Variants in SH3RF3 observed in about 807,000 individuals in gnomAD.
The protein encoded by SH3RF3 is SH3 domain containing ring finger 3, also known as E3 ubiquitin-protein ligase SH3RF3.
SH3RF3 carries 29 observed loss-of-function variants against 66.3 expected under a neutral mutation model. The observed-to-expected ratio is 0.44, with a 90% CI of 0.33 to 0.60. The LOEUF (loss-of-function observed/expected upper bound fraction) is 0.60, where lower values mean the gene tolerates loss of function less well. Among genes scored for constraint, SH3RF3 ranks in the 20% least tolerant of loss-of-function variants. The pLI is 0.04. For missense variants in SH3RF3, 1,194 were observed against 1,190.9 expected (o/e 1.00, Z -0.04); for synonymous variants, 583 against 532.0 (o/e 1.10, Z -1.32).
intron 1 of SH3RF3, among the ~76,000 whole-genome samples, chr2:109,164,958 A>T (rs892745434): frequency 3.3e-5 from 5 of 152,176 alleles, no homozygotes; most frequent in Non-Finnish European, 5.9e-5. Flanking sequence ...GGAGGTCGTA[A>T]TTGTTTTTCT....
At chr2:109,241,866 C>T (rs937455504) in intron 1 of SH3RF3, among the ~76,000 whole-genome samples, 3 of 151,730 alleles carry the variant, frequency 2.0e-5, no homozygotes, top group African/African-American at 7.3e-5. Context: ...CCCGGGTTCA[C>T]GCCATTCTCC....
rs147447286 is a variant in SH3RF3, at chr2:109,237,351, A to T, written c.573+107238A>T. Among the ~76,000 whole-genome samples, 37 of 152,346 alleles carry T rather than the reference A, an allele frequency of 2.4e-4. No homozygotes were observed. The East Asian group carries it at 7.1e-3, about 29-fold the overall frequency. On this transcript the variant is annotated intron_variant, in intron 1 of 9. Transcript: ENST00000309415. The stretch of plus-strand genomic sequence containing the variant: ...TAATCAAAGAGGTACACATTGAAAA[A>T]AAATGTTGTTTCTCAGCTTTCAAAG...
intron 1 of SH3RF3, among the ~76,000 whole-genome samples, chr2:109,158,338 C>T (rs991326066): frequency 5.3e-5 from 8 of 152,288 alleles, no homozygotes; most frequent in African/African-American, 9.6e-5. Flanking sequence ...ACTCCCTCAA[C>T]GCTTAGGTGT....
intron 1 of SH3RF3, among the ~76,000 whole-genome samples, chr2:109,300,762 G>A (rs944173022): frequency 1.3e-5 from 2 of 152,212 alleles, no homozygotes; most frequent in Non-Finnish European, 2.9e-5. Context: ...GACTTCATGT[G>A]GGTTGGGCTC....
Position 109,315,377 on chromosome 2 carries a change from A to G in SH3RF3, c.574-32297A>G, listed in dbSNP as rs150579252. Among the ~76,000 whole-genome samples, 72 of 152,350 alleles carry G rather than the reference A, an allele frequency of 4.7e-4. No individual in the cohort carries two copies. The East Asian group carries it at 0.013, about 28-fold the overall frequency. On this transcript the variant is annotated intron_variant, in intron 1 of 9. Transcript: ENST00000309415. ...TTTGTTCATTGAGTCTTGCAACTCC[A>G]TTAGTGATTCAAAACAAAGTAAACC...
intron 8 of SH3RF3, among the ~76,000 whole-genome samples, chr2:109,488,950 C>T (rs555242632): frequency 8.1e-4 from 123 of 152,270 alleles, no homozygotes; most frequent in African/African-American, 2.9e-3. Context: ...AGAGCTGGGC[C>T]GCCTCTTCCT....
intron 3 of SH3RF3, 144 bp downstream of exon 3, chr2:109,371,825 G>C (rs138390093): frequency 1.4e-6 from 1 of 725,720 alleles, no homozygotes; most frequent in Non-Finnish European, 2.3e-6. Context: ...GCTGCTATGT[G>C]TGGGCTTTGA....
At chr2:109,187,295 T>A (rs547221327) in intron 1 of SH3RF3, among the ~76,000 whole-genome samples, 58 of 152,352 alleles carry the variant, frequency 3.8e-4, no homozygotes, top group African/African-American at 1.3e-3. Context: ...GTGACCTGTT[T>A]AGTCTTTTCT....
At chr2:109,473,838 T>A (rs1289696348) in intron 8 of SH3RF3, among the ~76,000 whole-genome samples, 1 of 152,050 alleles carries the variant, frequency 6.6e-6, no homozygotes, top group African/African-American at 2.4e-5. Context: ...TGTCTCTTTT[T>A]TGGGGTGTCC....
At position 109,175,177 on chromosome 2, in the gene SH3RF3, G is replaced by A. The variant is rs887041130; in HGVS notation, c.573+45064G>A. On this transcript the variant is annotated intron_variant, in intron 1 of 9. Transcript: ENST00000309415. The stretch of plus-strand genomic sequence containing the variant: ...GTCCTGGTCCAGACTAGAAATTGGA[G>A]TCCATCATTTCAGAGTCAGTGGTGA... Among the ~76,000 whole-genome samples, 6 of 152,264 alleles carry A rather than the reference G, an allele frequency of 3.9e-5. No individual in the cohort carries two copies. The East Asian group carries it at 1.2e-3, about 29-fold the overall frequency.
At chr2:109,411,207 T>C (rs902113745) in intron 4 of SH3RF3, among the ~76,000 whole-genome samples, 13 of 152,148 alleles carry the variant, frequency 8.5e-5, no homozygotes, top group Admixed American at 1.3e-4. Context: ...CGCCATTGGT[T>C]GGGGGCTGAA....
At chr2:109,283,864 GA>G (rs777400968) in intron 1 of SH3RF3, among the ~76,000 whole-genome samples, 3 of 152,212 alleles carry the variant, frequency 2.0e-5, no homozygotes, top group Non-Finnish European at 4.4e-5. Flanking sequence ...GGATGCTGGG[GA>G]GTGAGTATTC....
intron 1 of SH3RF3, among the ~76,000 whole-genome samples, chr2:109,265,595 C>G (rs1048708612): frequency 2.0e-5 from 3 of 152,234 alleles, no homozygotes; most frequent in African/African-American, 7.2e-5. Flanking sequence ...TCCCAGATGA[C>G]TCAGAAAGCC....
At chr2:109,317,352 G>A (rs759543643) in intron 1 of SH3RF3, among the ~76,000 whole-genome samples, 3 of 152,042 alleles carry the variant, frequency 2.0e-5, no homozygotes, top group African/African-American at 7.2e-5. Context: ...GGCAGGTGCC[G>A]CCCCAGCCCC....
chr2:109,129,283 C>G lies in SH3RF3; in HGVS notation c.-258C>G. ...CGGACTTGCGGCGGGACAGGTGTAG[C>G]CCGCAGCCGCAGGCGCTGCGCTCAG... On this transcript the variant is annotated 5_prime_UTR_variant, in exon 1 of 10. Coordinates refer to ENST00000309415, the MANE Select transcript of SH3RF3 (RefSeq NM_001099289.3). 1 of 660,744 alleles carries G rather than the reference C, an allele frequency of 1.5e-6. No homozygotes were observed. The highest frequency in any genetic ancestry group is 2.6e-6 in the Non-Finnish European group (1 of 388,594). The allele number at this position is 660,744 out of a possible 1,614,324, so 40.9% of individuals were successfully genotyped here.
chr2:109,433,139 A>G (rs1677291075), intron 6 of SH3RF3, among the ~76,000 whole-genome samples: 1 of 152,206 alleles, frequency 6.6e-6, no homozygotes, highest in Non-Finnish European at 1.5e-5. Context: ...TGTAAGCACA[A>G]GGTGTGTGCG....
intron 1 of SH3RF3, among the ~76,000 whole-genome samples, chr2:109,260,359 A>G (rs759801351): frequency 2.5e-4 from 38 of 152,220 alleles, no homozygotes; most frequent in Non-Finnish European, 4.9e-4. Context: ...ACCCGAGGTC[A>G]GGGAGCTGCA....
intron 1 of SH3RF3, among the ~76,000 whole-genome samples, chr2:109,159,272 C>T (rs567675053): frequency 1.4e-3 from 215 of 152,314 alleles, no homozygotes; most frequent in African/African-American, 4.5e-3. Flanking sequence ...TCTATCCCGG[C>T]GCAGCTGCCT....
intron 1 of SH3RF3, among the ~76,000 whole-genome samples, chr2:109,183,352 A>G (rs1678112318): frequency 6.6e-6 from 1 of 152,210 alleles, no homozygotes; most frequent in African/African-American, 2.4e-5. Context: ...GTGAGAGTCT[A>G]CACAGGGAAC....
Sources: gnomAD v4.1 joint callset for allele counts (sites outside exome capture counted in the v4.1 genomes callset) on GRCh38, gnomAD v4.1.1 for gene constraint, MANE v1.5 for transcripts, NCBI Gene and HGNC (gene_info 2026-07-23, HGNC 2026-07-21) for gene names.